Variants in ASMT observed in about 807,000 individuals in gnomAD.
ASMT encodes the protein acetylserotonin O-methyltransferase, also known as acetylserotonin N-methyltransferase.
ASMT carries 53 observed loss-of-function variants against 41.3 expected under a neutral mutation model. That is an observed-to-expected ratio of 1.28 (90% CI 1.03 to 1.61). The LOEUF (loss-of-function observed/expected upper bound fraction) is 1.61. Among genes scored for constraint, ASMT ranks in the 40% most tolerant of loss-of-function variants. ASMT has a pLI of 0.00. For missense variants in ASMT, 531 were observed against 441.3 expected (o/e 1.20, Z -1.82); for synonymous variants, 231 against 184.8 (o/e 1.25, Z -2.03).
At chrX:1,642,195 G>A (rs1372821731) in intron 8 of ASMT, among the ~76,000 whole-genome samples, 1 of 148,124 alleles carries the variant, frequency 6.8e-6, no homozygotes, top group African/African-American at 2.5e-5. Flanking sequence ...TGTGTGATAA[G>A]GACAGTGTTC....
At chrX:1,618,960 G>A (rs1361467078) in intron 1 of ASMT, among the ~76,000 whole-genome samples, 1 of 152,188 alleles carries the variant, frequency 6.6e-6, no homozygotes, top group East Asian at 1.9e-4. Context: ...CATGGGAGTT[G>A]TCAGAAGTTT....
At chrX:1,634,403 G>A (rs7876588) in intron 7 of ASMT, among the ~76,000 whole-genome samples, 173 of 152,212 alleles carry the variant, frequency 1.1e-3, no homozygotes, top group African/African-American at 3.9e-3. Context: ...GGATTTTCTT[G>A]GAGACTGGTT....
chrX:1,622,686 G>A (rs1433504786), intron 1 of ASMT, among the ~76,000 whole-genome samples: 2 of 151,748 alleles, frequency 1.3e-5, no homozygotes, highest in Non-Finnish European at 2.9e-5. Flanking sequence ...GGCCGAGGCT[G>A]GCAGATCACG....
intron 7 of ASMT, among the ~76,000 whole-genome samples, chrX:1,635,273 C>T (rs1207681109): frequency 6.6e-5 from 10 of 151,874 alleles, no homozygotes; most frequent in Non-Finnish European, 1.0e-4. Flanking sequence ...CGTGAGCCAC[C>T]GCGCCTGGCC....
Position 1,624,363 on chromosome X carries a change from C to A in ASMT, c.339C>A (p.Ser113Arg), listed in dbSNP as rs1934447575. 6.2e-7 allele frequency: 1 copy of A among 1,613,684 alleles called. No homozygotes were observed. The highest frequency in any genetic ancestry group is 1.1e-5 in the South Asian group (1 of 91,078). Residue 113 changes from serine to arginine, a missense_variant, in exon 3 of 9, where the codon AGC becomes AGA. Coordinates refer to ENST00000381241, the MANE Select transcript of ASMT (RefSeq NM_001171038.2). ...CSMLKYMGRTSYRCWGHLADA... is the reference protein window; with the variant it reads ...CSMLKYMGRTRYRCWGHLADA... ...TGCTGAAGTACATGGGCAGGACCAG[C>A]TACCGGTGCTGGGGCCACCTGGCAG...
chrX:1,625,954 CAAA>C lies in ASMT; in HGVS notation c.374+1573_374+1575del, dbSNP rs1310481163. Among the ~76,000 whole-genome samples the C allele has an allele frequency of 1.8e-3, 179 of 99,230 alleles. 1 individual carries two copies. The highest frequency in any genetic ancestry group is 6.3e-3 in the East Asian group (21 of 3,326). 65.1% of individuals were successfully genotyped at this position (99,230 alleles called of 152,430 possible). On this transcript the variant is annotated intron_variant, in intron 3 of 8. Transcript: ENST00000381241. ...TGGGCGACAGAGCGAGACTCCATCT[CAAA>C]AAAAAAAAAAAAAAAATAGGGGTGT...
chrX:1,633,180 T>G lies in ASMT; in HGVS notation c.677T>G (p.Met226Arg), dbSNP rs375857943. The change falls in exon 7 of 9, where the codon ATG becomes AGG. Residue 226 changes from methionine (M) to arginine (R), a missense_variant. Physicochemically the swap from Met to Arg is moderately conservative, Grantham distance 91. Coordinates refer to ENST00000381241, the MANE Select transcript of ASMT (RefSeq NM_001171038.2). Reference sequence around the variant, plus strand: ...GCTGGAGCTCTGGCTAAGGAATGCATGTCTCTGTACCCTGGATGTAAGATC... The same window carrying G: ...GCTGGAGCTCTGGCTAAGGAATGCAGGTCTCTGTACCCTGGATGTAAGATC... ...GGAGALAKEC[M>R]SLYPGCKITV... 133 of 1,613,744 alleles carry G rather than the reference T, an allele frequency of 8.2e-5. No individual in the cohort carries two copies. The highest frequency in any genetic ancestry group is 1.1e-4 in the Non-Finnish European group (126 of 1,179,854).
intron 3 of ASMT, among the ~76,000 whole-genome samples, chrX:1,626,602 A>G (rs1207678431): frequency 2.0e-5 from 3 of 152,174 alleles, no homozygotes; most frequent in African/African-American, 7.2e-5. Context: ...GCCACGTAAT[A>G]TAGGGTTAAA....
At position 1,629,886 on chromosome X, in the gene ASMT, G is replaced by C; in HGVS notation, c.509G>C (p.Ser170Thr). Residue 170 changes from serine to threonine, a missense_variant, in exon 5 of 9, where the codon AGC becomes ACC. By Grantham distance (58) the Ser-to-Thr change is moderately conservative. Coordinates refer to ENST00000381241, the MANE Select transcript of ASMT (RefSeq NM_001171038.2). ...LQEVWSVNGR[S>T]VLTAFDLSVF... The stretch of plus-strand genomic sequence containing the variant: ...GAGGTCTGGAGCGTCAACGGGAGAA[G>C]CGTGCTGACCGCCTTTGACCTGTCA... The C allele has an allele frequency of 1.9e-6, 3 of 1,614,012 alleles. No homozygotes were observed. The highest frequency in any genetic ancestry group is 2.2e-5 in the East Asian group (1 of 44,884).
chrX:1,636,901 TGGG>T (rs1934989458), intron 8 of ASMT, among the ~76,000 whole-genome samples: 2 of 143,322 alleles, frequency 1.4e-5, no homozygotes, highest in Non-Finnish European at 3.1e-5. Flanking sequence ...CATGAGGATG[TGGG>T]CACAGCCTCT....
intron 5 of ASMT, among the ~76,000 whole-genome samples, chrX:1,631,928 C>A (rs1323477690): frequency 1.3e-5 from 2 of 152,074 alleles, no homozygotes; most frequent in Non-Finnish European, 2.9e-5. Context: ...AGGTGCCTGT[C>A]ATCCCAGGTA....
chrX:1,616,566 T>A, intron 1 of ASMT, among the ~76,000 whole-genome samples: 1 of 151,056 alleles, frequency 6.6e-6, no homozygotes, highest in Non-Finnish European at 1.5e-5. Flanking sequence ...GCCCCTGAAT[T>A]ATGCTTGAAA....
At chrX:1,627,052 CGG>C (rs1934575075) in intron 3 of ASMT, among the ~76,000 whole-genome samples, 1 of 136,392 alleles carries the variant, frequency 7.3e-6, no homozygotes. Context: ...AGGCCAGGTG[CGG>C]TGGCTCACGC....
chrX:1,636,359 AC>A (rs1291594466), intron 7 of ASMT, 78 bp from the exon 8 acceptor site: 2 of 1,608,362 alleles, frequency 1.2e-6, no homozygotes, highest in Non-Finnish European at 1.7e-6. Context: ...CATCCAGGTG[AC>A]CTTTTGTGCC....
intron 4 of ASMT, among the ~76,000 whole-genome samples, chrX:1,629,452 A>G (rs1934687026): frequency 6.6e-6 from 1 of 152,090 alleles, no homozygotes; most frequent in Non-Finnish European, 1.5e-5. Flanking sequence ...CCTCTTCCCC[A>G]GGATGTGTGG....
intron 1 of ASMT, among the ~76,000 whole-genome samples, chrX:1,617,750 G>A (rs1934191062): frequency 6.6e-6 from 1 of 151,664 alleles, no homozygotes; most frequent in African/African-American, 2.4e-5. Flanking sequence ...CGAGTAGCTG[G>A]GAGTACAGGC....
At chrX:1,633,596 CT>C (rs1934855131) in intron 7 of ASMT, among the ~76,000 whole-genome samples, 1 of 151,974 alleles carries the variant, frequency 6.6e-6, no homozygotes, top group Non-Finnish European at 1.5e-5. Context: ...CTGCCTCAGC[CT>C]CCCAAGTAGC....
intron 1 of ASMT, among the ~76,000 whole-genome samples, chrX:1,616,640 C>T (rs1474104616): frequency 6.6e-5 from 10 of 151,382 alleles, no homozygotes; most frequent in South Asian, 4.2e-4. Flanking sequence ...GGGTCCGAAA[C>T]GAGGGAATCG....
In ASMT at chrX:1,636,952, G is replaced by A. The variant is rs112439762; in HGVS notation, c.910+392G>A. 7.4e-3 allele frequency among the ~76,000 whole-genome samples: 660 copies of A among 88,738 alleles called. 4 individuals are homozygous for A. The highest frequency in any genetic ancestry group is 0.011 in the Middle Eastern group (2 of 180). 58.2% of individuals were successfully genotyped at this position (88,738 alleles called of 152,430 possible). On this transcript the variant is annotated intron_variant, in intron 8 of 8. Transcript: ENST00000381241. ...GACAGTGTCCCAGCTCTCCTGTGAG[G>A]TCCATCCATCCTGATGGCACATGAG... is the stretch of plus-strand genomic sequence containing the variant.
Sources: gnomAD v4.1 joint callset for allele counts (sites outside exome capture counted in the v4.1 genomes callset) on GRCh38, gnomAD v4.1.1 for gene constraint, MANE v1.5 for transcripts, NCBI Gene and HGNC (gene_info 2026-07-23, HGNC 2026-07-21) for gene names.